Variants in NPIPA5 observed in about 807,000 individuals in gnomAD.
The protein encoded by NPIPA5 is nuclear pore complex interacting protein family member A5.
A neutral mutation model predicts 21.4 loss-of-function variants in NPIPA5; 6 were observed. That is an observed-to-expected ratio of 0.28 (90% confidence interval 0.15 to 0.55). The LOEUF is 0.55. Ranked by LOEUF, NPIPA5 falls within the 20% of genes least tolerant of loss-of-function variation. The pLI, the probability that NPIPA5 is intolerant of heterozygous loss-of-function variation, is 0.93. For missense variants in NPIPA5, 99 were observed against 318.2 expected (o/e 0.31, Z 5.24); for synonymous variants, 33 against 115.3 (o/e 0.29, Z 4.57).
rs752398965 is a variant in NPIPA5, at chr16:15,363,649, T to C, written c.*10A>G. The C allele has an allele frequency of 2.0e-6, 3 of 1,529,820 alleles. 1 individual carries two copies. In the African/African-American group the frequency reaches 4.2e-5, roughly 21 times the overall value. 94.8% of individuals were successfully genotyped at this position (1,529,820 alleles called of 1,614,324 possible). The stretch of plus-strand genomic sequence containing the variant: ...TTCATTTTATTTTTATATTATTTAT[T>C]TATTCTTCATTAGTTTCTTGAGATT... On this transcript the variant is annotated 3_prime_UTR_variant, in exon 8 of 8. Transcript: ENST00000360151.
chr16:15,369,471 A>T (rs1307117130), intron 4 of NPIPA5, among the ~76,000 whole-genome samples: 1 of 151,730 alleles, frequency 6.6e-6, no homozygotes, highest in African/African-American at 2.4e-5. Context: ...AAAGAGAGAG[A>T]GAAAGGAAAA....
upstream of NPIPA5, among the ~76,000 whole-genome samples, chr16:15,379,744 ACACGAG>A (rs2050391514): frequency 6.6e-6 from 1 of 152,066 alleles, no homozygotes. Flanking sequence ...TTAGGGGTTG[ACACGAG>A]CCTGGCCAAT....
intron 2 of NPIPA5, 63 bp from the exon 3 acceptor site, chr16:15,370,182 C>A (rs1380943206): frequency 1.3e-6 from 2 of 1,487,480 alleles, no homozygotes; most frequent in South Asian, 1.2e-5. Flanking sequence ...AATCCCAGTA[C>A]TTTGGGAGGC....
At chr16:15,381,362 C>A (rs1423924915), upstream of NPIPA5, 6 of 468,532 alleles carry the variant, frequency 1.3e-5, no homozygotes, top group East Asian at 9.3e-4. Flanking sequence ...AATGTATCAT[C>A]ATTTCGGTCA....
chr16:15,369,438 G>T (rs1245926294), intron 4 of NPIPA5, among the ~76,000 whole-genome samples: 2 of 150,130 alleles, frequency 1.3e-5, no homozygotes, highest in South Asian at 2.1e-4. Flanking sequence ...CAAGAGCAAA[G>T]CTCCGTCTCA....
chr16:15,369,185 G>A (rs2050076402), intron 4 of NPIPA5, among the ~76,000 whole-genome samples: 2 of 148,466 alleles, frequency 1.3e-5, no homozygotes, highest in East Asian at 4.2e-4. Context: ...CCTGGGTGTG[G>A]TGGCTCATGC....
At chr16:15,374,270 C>A (rs1348454120) in intron 1 of NPIPA5, among the ~76,000 whole-genome samples, 2 of 150,990 alleles carry the variant, frequency 1.3e-5, no homozygotes, top group African/African-American at 4.9e-5. Flanking sequence ...GCAATCTCGG[C>A]TCACTGCAAC....
chr16:15,366,849 G>T (rs1278048616), intron 4 of NPIPA5, 89 bp from the exon 5 acceptor site: 11 of 1,521,568 alleles, frequency 7.2e-6, no homozygotes, highest in African/African-American at 5.5e-5. Context: ...GTGATTCAAA[G>T]ATCCCCCCTG....
upstream of NPIPA5, among the ~76,000 whole-genome samples, chr16:15,379,490 C>T (rs1029812893): frequency 1.1e-4 from 16 of 151,906 alleles, no homozygotes; most frequent in South Asian, 2.1e-4. Flanking sequence ...TAGTTTGAAC[C>T]CGGGAGGCAG....
chr16:15,376,038 TG>T (rs1358185100), intron 1 of NPIPA5, among the ~76,000 whole-genome samples: 1 of 151,566 alleles, frequency 6.6e-6, no homozygotes, highest in Non-Finnish European at 1.5e-5. Flanking sequence ...GAAATGGAAA[TG>T]ATGGAGTTAG....
chr16:15,374,224 T>C (rs367802994), intron 1 of NPIPA5, among the ~76,000 whole-genome samples: 8,169 of 147,128 alleles, frequency 0.056, 360 homozygotes, highest in Admixed American at 0.13. Flanking sequence ...GACAGAGTTC[T>C]GCTCCACTCA....
intron 2 of NPIPA5, among the ~76,000 whole-genome samples, chr16:15,370,674 C>G (rs1197663393): frequency 1.4e-5 from 2 of 138,438 alleles, no homozygotes; most frequent in African/African-American, 5.4e-5. Context: ...TCACTTGAAC[C>G]CAGCAGGAAA....
At chr16:15,379,227 A>G (rs2050378982), upstream of NPIPA5, among the ~76,000 whole-genome samples, 1 of 152,240 alleles carries the variant, frequency 6.6e-6, no homozygotes, top group South Asian at 2.1e-4. Context: ...ATGGAAAGCC[A>G]ATGCCTTTAC....
chr16:15,370,451 A>AC, intron 2 of NPIPA5, among the ~76,000 whole-genome samples: 6 of 116,070 alleles, frequency 5.2e-5, no homozygotes, highest in South Asian at 3.1e-4. Context: ...CACACACACA[A>AC]ACACACAAGA....
chr16:15,379,962 T>G (rs950625894), upstream of NPIPA5, among the ~76,000 whole-genome samples: 1 of 150,260 alleles, frequency 6.7e-6, no homozygotes, highest in Non-Finnish European at 1.5e-5. Flanking sequence ...ATAAAAAATA[T>G]ATATATATGT....
Position 15,375,382 on chromosome 16 carries a change from T to TAA in NPIPA5, c.64-1541_64-1540dup, listed in dbSNP as rs534006744. Among the ~76,000 whole-genome samples, 375 of 87,014 alleles carry TAA rather than the reference T, an allele frequency of 4.3e-3. 3 individuals carry two copies. Among genetic ancestry groups the TAA allele is most frequent in the Non-Finnish European group, 6.3e-3 (262 of 41,680 alleles). 57.1% of individuals were successfully genotyped at this position (87,014 alleles called of 152,430 possible). On this transcript the variant is annotated intron_variant, in intron 1 of 7. Transcript: ENST00000360151. ...TTTGTCATTTAAAGCTCAGCATAAG[T>TAA]AAAAAAAAAAAATACAATGAAGAGA... is the stretch of plus-strand genomic sequence containing the variant.
chr16:15,379,308 A>G (rs62037841), upstream of NPIPA5, among the ~76,000 whole-genome samples: 114,442 of 152,038 alleles, frequency 0.75, 43,532 homozygotes, highest in East Asian at 0.91. Flanking sequence ...GGTGGCTCAC[A>G]CCTGTAATCC....
chr16:15,370,920 G>A lies in NPIPA5; in HGVS notation c.193-801C>T, dbSNP rs1212542924. On this transcript the variant is annotated intron_variant, in intron 2 of 7. Coordinates refer to ENST00000360151, the MANE Select transcript of NPIPA5 (RefSeq NM_001277325.2). The stretch of plus-strand genomic sequence containing the variant: ...AAATTAGCTGAGCATGGTGGCGCAC[G>A]CCTGTAGTCCCAGCTACTCCGGAGG... Among the ~76,000 whole-genome samples the A allele has an allele frequency of 8.6e-5, 12 of 139,256 alleles. 1 individual carries two copies. The highest frequency in any genetic ancestry group is 4.4e-4 in the East Asian group (2 of 4,552). 91.4% of individuals were successfully genotyped at this position (139,256 alleles called of 152,430 possible).
At chr16:15,379,800 C>T (rs1411102219), upstream of NPIPA5, among the ~76,000 whole-genome samples, 1 of 151,942 alleles carries the variant, frequency 6.6e-6, no homozygotes, top group African/African-American at 2.4e-5. Flanking sequence ...CAAAAATTAG[C>T]TGGGCATGGT....
Sources: allele counts gnomAD v4.1 joint callset (sites outside exome capture counted in the v4.1 genomes callset), GRCh38; gene constraint gnomAD v4.1.1; transcripts MANE v1.5; gene names NCBI Gene and HGNC (gene_info 2026-07-23, HGNC 2026-07-21).